The following PRKAG1 variants were observed in gnomAD, a reference collection of about 807,000 sequenced individuals.
The protein encoded by PRKAG1 is 5'-AMP-activated protein kinase subunit gamma-1.
A neutral mutation model predicts 48.2 loss-of-function variants in PRKAG1; 27 were observed. That is an observed-to-expected ratio of 0.56 (90% CI 0.41 to 0.77). The LOEUF (loss-of-function observed/expected upper bound fraction) is 0.77. Among genes scored for constraint, PRKAG1 ranks in the 30% least tolerant of loss-of-function variants. The probability of loss-of-function intolerance (pLI) is 0.00; values close to 1 mark genes in which losing one functional copy is unlikely to be tolerated. For missense variants in PRKAG1, 287 were observed against 398.3 expected (o/e 0.72, Z 2.38); for synonymous variants, 130 against 147.7 (o/e 0.88, Z 0.87).
At chr12:49,013,174 A>G (rs1160631255) in intron 1 of PRKAG1, 64 bp from the exon 2 acceptor site, 1 of 1,393,948 alleles carries the variant, frequency 7.2e-7, no homozygotes, top group Non-Finnish European at 1.0e-6. Context: ...TAGCAACATT[A>G]GGGGAAGGGC....
Position 49,005,062 on chromosome 12 carries a change from G to A in PRKAG1, c.356-44C>T, listed in dbSNP as rs191861607. 1.2e-6 allele frequency: 2 copies of A among 1,613,080 alleles called. No homozygotes were observed. Among genetic ancestry groups the A allele is most frequent in the Admixed American group, 1.7e-5 (1 of 60,006 alleles). The stretch of plus-strand genomic sequence containing the variant: ...GGTCACAAAATACCACCATGGAAAA[G>A]TGTTTCCCAGAAACCCGCCATCCCT... On this transcript the variant is annotated intron_variant, in intron 6 of 11. Transcript: ENST00000548065. This position sits in a 1 kb window ranked among gnomAD's most constrained non-coding sequence, Gnocchi z 4.1.
chr12:49,017,425 T>C, intron 1 of PRKAG1: 1 of 342,194 alleles, frequency 2.9e-6, no homozygotes, highest in South Asian at 2.2e-5. Flanking sequence ...TTGCCCAGGC[T>C]GATGCTGAAC....
chr12:49,006,841 T>A (rs527879297), intron 2 of PRKAG1, among the ~76,000 whole-genome samples: 1 of 151,886 alleles, frequency 6.6e-6, no homozygotes, highest in South Asian at 2.1e-4. Flanking sequence ...TGGTGGCGCA[T>A]GCCTGTAATC....
chr12:49,004,672 G>C (rs1440655225), intron 7 of PRKAG1, 39 bp from the exon 8 acceptor site: 1 of 1,613,596 alleles, frequency 6.2e-7, no homozygotes, highest in Non-Finnish European at 8.5e-7. Flanking sequence ...CACAGTGCTG[G>C]GGCTGGGGGT....
intron 2 of PRKAG1, among the ~76,000 whole-genome samples, chr12:49,012,378 C>CTT (rs112289958): frequency 1.7e-4 from 24 of 142,258 alleles, no homozygotes; most frequent in African/African-American, 4.9e-4. Context: ...TTTTTTCTTT[C>CTT]TTTTTTTTTT....
Position 49,005,168 on chromosome 12 carries a change from G to A in PRKAG1, c.310-3C>T, listed in dbSNP as rs1420876110. 1.9e-6 allele frequency: 3 copies of A among 1,614,036 alleles called. No individual in the cohort carries two copies. In the South Asian group the frequency reaches 3.3e-5, roughly 18 times the overall value. ...TCTTCTAGCTCATAGATCTGTACCT[G>A]AAAGCAGAAGCAACAGAATTTGAGA... On this transcript the variant is annotated splice_polypyrimidine_tract_variant and splice_region_variant and intron_variant, in intron 5 of 11. Transcript: ENST00000548065. The surrounding 1 kb of genome is among the most constrained non-coding windows in gnomAD (Gnocchi z 4.1).
At position 49,002,472 on chromosome 12, in the gene PRKAG1, A is replaced by G. The variant is rs2137646722; in HGVS notation, c.*427T>C. On this transcript the variant is annotated 3_prime_UTR_variant, in exon 12 of 12. Coordinates refer to ENST00000548065, the MANE Select transcript of PRKAG1 (RefSeq NM_002733.5). Reference sequence around the variant, plus strand: ...TCACTAAATGGACTTGGCCTCCTCCATATAGCACGGAACAGGTGAATAAAA... The same window carrying G: ...TCACTAAATGGACTTGGCCTCCTCCGTATAGCACGGAACAGGTGAATAAAA... 1 of 314,166 alleles carries G rather than the reference A, an allele frequency of 3.2e-6. No homozygotes were observed. The highest frequency in any genetic ancestry group is 2.8e-5 in the South Asian group (1 of 36,278). The allele number at this position is 314,166 out of a possible 1,614,324, so 19.5% of individuals were successfully genotyped here. A position where few individuals can be genotyped will look rare whatever the true frequency, so the allele number is the denominator to read the frequency against.
Position 49,005,245 on chromosome 12 carries a change from ATGAGAATGAG to A in PRKAG1, c.309+51_309+60del. The A allele has an allele frequency of 6.2e-7, 1 of 1,612,900 alleles. No individual in the cohort carries two copies. Among genetic ancestry groups the A allele is most frequent in the Non-Finnish European group, 8.5e-7 (1 of 1,178,946 alleles). On this transcript the variant is annotated intron_variant, in intron 5 of 11. Transcript: ENST00000548065. The surrounding 1 kb of genome is among the most constrained non-coding windows in gnomAD (Gnocchi z 4.1). ...TCGTGGCTTGCTTGGAGAAAAAGAA[ATGAGAATGAG>A]GGATTTAGGGCAGGGAAAGTGATTT...
At chr12:49,011,938 A>G (rs1941777184) in intron 2 of PRKAG1, among the ~76,000 whole-genome samples, 1 of 149,246 alleles carries the variant, frequency 6.7e-6, no homozygotes, top group Non-Finnish European at 1.5e-5. Flanking sequence ...GCTCACTGCA[A>G]CCTCTGCCTC....
intron 1 of PRKAG1, chr12:49,018,321 G>A (rs1465984448): frequency 1.9e-5 from 8 of 413,608 alleles, no homozygotes; most frequent in Middle Eastern, 3.7e-4. Context: ...GACCATCGAG[G>A]TCCAGGAGCT....
intron 1 of PRKAG1, chr12:49,017,728 G>C (rs1267460524): frequency 6.6e-6 from 1 of 152,396 alleles, no homozygotes; most frequent in African/African-American, 2.4e-5. Flanking sequence ...TCCCTTGCCT[G>C]GGAGACCAAC....
chr12:49,016,095 G>A (rs1941958726), intron 1 of PRKAG1, among the ~76,000 whole-genome samples: 1 of 151,960 alleles, frequency 6.6e-6, no homozygotes, highest in Non-Finnish European at 1.5e-5. Flanking sequence ...ATACCACCAG[G>A]CCCAGCTACT....
intron 7 of PRKAG1, 132 bp from the exon 8 acceptor site, chr12:49,004,765 AAGAGAAAG>A: frequency 7.1e-7 from 1 of 1,400,818 alleles, no homozygotes; most frequent in Non-Finnish European, 9.9e-7. Flanking sequence ...GCCAGACTTA[AAGAGAAAG>A]AGAGAGAGAG....
chr12:49,011,758 C>T (rs1941770318), intron 2 of PRKAG1, among the ~76,000 whole-genome samples: 1 of 151,884 alleles, frequency 6.6e-6, no homozygotes, highest in Non-Finnish European at 1.5e-5. Context: ...GATGGGGTTC[C>T]ACCATGTTGA....
intron 1 of PRKAG1, among the ~76,000 whole-genome samples, chr12:49,015,721 TGC>T (rs1186563938): frequency 4.6e-5 from 7 of 152,122 alleles, no homozygotes; most frequent in African/African-American, 2.4e-5. Flanking sequence ...TACAGATGCC[TGC>T]CACCACGCCC....
At chr12:49,018,622 T>C in intron 1 of PRKAG1, 110 bp downstream of exon 1, 1 of 1,584,142 alleles carries the variant, frequency 6.3e-7, no homozygotes, top group Non-Finnish European at 8.6e-7. Context: ...GGCTGCTTTT[T>C]GTTTGCTAGA....
intron 1 of PRKAG1, chr12:49,016,908 C>T: frequency 2.9e-6 from 1 of 339,304 alleles, no homozygotes; most frequent in South Asian, 2.3e-5. Flanking sequence ...GCCTGCTTTT[C>T]CAGTCTTTTC....
rs1001982003 is a variant in PRKAG1 at position 49,005,691 on chromosome 12, G to A, written c.168+52C>T. 2 of 1,607,322 alleles carry A rather than the reference G, an allele frequency of 1.2e-6. No individual in the cohort carries two copies. Among genetic ancestry groups the A allele is most frequent in the Non-Finnish European group, 1.7e-6 (2 of 1,174,120 alleles). On this transcript the variant is annotated intron_variant, in intron 3 of 11. Transcript: ENST00000548065. This position sits in a 1 kb window ranked among gnomAD's most constrained non-coding sequence, Gnocchi z 4.1. ...ACCCTTAGGATGAGATAGGATGAGA[G>A]GTATTAAACCACAGGCTCCAAAGGG...
chr12:49,008,929 G>T lies in PRKAG1; in HGVS notation c.59-3077C>A, dbSNP rs578236537. Among the ~76,000 whole-genome samples, 3 of 152,064 alleles carry T rather than the reference G, an allele frequency of 2.0e-5. No homozygotes were observed. The East Asian group carries it at 5.8e-4, about 29-fold the overall frequency. Reference sequence around the variant, plus strand: ...CTTTCATCCATTGTGCTGAATATTCGATGGGTCCTTTCAATATGAAAACTA... The same window carrying T: ...CTTTCATCCATTGTGCTGAATATTCTATGGGTCCTTTCAATATGAAAACTA... On this transcript the variant is annotated intron_variant, in intron 2 of 11. Transcript: ENST00000548065.
Sources: allele counts gnomAD v4.1 joint callset (sites outside exome capture counted in the v4.1 genomes callset), GRCh38; gene constraint gnomAD v4.1.1; non-coding constraint Gnocchi (gnomAD v3.1); transcripts MANE v1.5; gene names NCBI Gene and HGNC (gene_info 2026-07-23, HGNC 2026-07-21).